Variants in KCNIP4 observed in about 807,000 individuals in gnomAD.
KCNIP4 encodes Kv channel-interacting protein 4.
In KCNIP4, 12 loss-of-function variants were observed where a neutral mutation model predicts 34.0. The observed-to-expected ratio is 0.35, with a 90% confidence interval of 0.23 to 0.57. The LOEUF is 0.57. KCNIP4 is among the 20% of genes least tolerant of loss of function. The pLI is 0.83. For synonymous variants in KCNIP4, 124 were observed against 102.2 expected (o/e 1.21, Z -1.29); for missense variants, 238 against 311.7 (o/e 0.76, Z 1.78).
chr4:21,640,716 C>T lies in KCNIP4; in HGVS notation c.61+307855G>A, dbSNP rs149230343. Among the ~76,000 whole-genome samples the T allele has an allele frequency of 2.0e-3, 300 of 152,210 alleles. 2 individuals are homozygous for T. The highest frequency in any genetic ancestry group is 6.9e-3 in the African/African-American group (285 of 41,536). ...TTTGGGAGGCAATACATTTCTTATT[C>T]TGGTTTGCTACCCCAGCCTAGTAAC... On this transcript the variant is annotated intron_variant, in intron 1 of 8. Transcript: ENST00000382152.
At chr4:21,279,476 C>T (rs938501859) in intron 1 of KCNIP4, among the ~76,000 whole-genome samples, 3 of 149,988 alleles carry the variant, frequency 2.0e-5, no homozygotes, top group African/African-American at 7.4e-5. Flanking sequence ...CCATACAGAA[C>T]TTTAAAGATT....
intron 2 of KCNIP4, among the ~76,000 whole-genome samples, chr4:20,864,031 T>TATGTATGTATACGCATGTATGTATACAC (rs1333035688): frequency 9.6e-6 from 1 of 103,880 alleles, no homozygotes; most frequent in Non-Finnish European, 2.0e-5. Context: ...TATACATACA[T>TATGTATGTATACGCATGTATGTATACAC]ATGTATGTAT....
rs1009135605 is a variant in KCNIP4, at chr4:21,247,646, T to G, written c.62-364937A>C. The stretch of plus-strand genomic sequence containing the variant: ...CTATATATTTAGATATATCTATATA[T>G]TTATATCTATATATTTAGATATATC... On this transcript the variant is annotated intron_variant, in intron 1 of 8. Coordinates refer to ENST00000382152, the MANE Select transcript of KCNIP4 (RefSeq NM_025221.6). Among the ~76,000 whole-genome samples, 5 of 130,704 alleles carry G rather than the reference T, an allele frequency of 3.8e-5. No homozygotes were observed. The South Asian group carries it at 1.1e-3, about 28-fold the overall frequency. 85.7% of individuals were successfully genotyped at this position (130,704 alleles called of 152,430 possible).
intron 1 of KCNIP4, among the ~76,000 whole-genome samples, chr4:20,903,619 T>C (rs953629610): frequency 1.3e-5 from 2 of 152,130 alleles, no homozygotes; most frequent in African/African-American, 2.4e-5. Flanking sequence ...CTTGCCTTTC[T>C]GAACCAAACG....
intron 1 of KCNIP4, among the ~76,000 whole-genome samples, chr4:21,446,382 C>A (rs1315269747): frequency 6.6e-6 from 1 of 151,802 alleles, no homozygotes; most frequent in African/African-American, 2.4e-5. Context: ...CCCAAATGTC[C>A]AAAAATGATA....
chr4:20,744,322 C>G (rs572214740), intron 5 of KCNIP4, among the ~76,000 whole-genome samples: 3 of 152,124 alleles, frequency 2.0e-5, no homozygotes, highest in Non-Finnish European at 4.4e-5. Flanking sequence ...ATGTTTATTG[C>G]GGCACTATTC....
intron 1 of KCNIP4, among the ~76,000 whole-genome samples, chr4:21,479,437 T>C (rs1479279258): frequency 6.6e-6 from 1 of 152,128 alleles, no homozygotes. Flanking sequence ...GAGATATGCA[T>C]GCTAAAGGAG....
chr4:21,139,204 C>A (rs1051032578), intron 1 of KCNIP4, among the ~76,000 whole-genome samples: 1 of 152,164 alleles, frequency 6.6e-6, no homozygotes, highest in Non-Finnish European at 1.5e-5. Flanking sequence ...GAAAGTGAGA[C>A]CTGCAGCCTG....
intron 1 of KCNIP4, among the ~76,000 whole-genome samples, chr4:21,733,323 T>C (rs1236627022): frequency 6.6e-6 from 1 of 152,186 alleles, no homozygotes; most frequent in Non-Finnish European, 1.5e-5. Context: ...CGTATATAGA[T>C]ACAGATATAC....
intron 1 of KCNIP4, among the ~76,000 whole-genome samples, chr4:21,835,742 T>G (rs1214610051): frequency 1.3e-5 from 2 of 152,098 alleles, no homozygotes; most frequent in African/African-American, 4.8e-5. Flanking sequence ...GGGCCATGCA[T>G]GAGAATGTTT....
In KCNIP4 at chr4:21,477,783, T is replaced by C. The variant is rs192065904; in HGVS notation, c.61+470788A>G. Reference sequence around the variant, plus strand: ...TAATTCTCTGCAAAAGCAAGTCCCATTGGGGACTTATTCTCCCAGCTCCAA... The same window carrying C: ...TAATTCTCTGCAAAAGCAAGTCCCACTGGGGACTTATTCTCCCAGCTCCAA... On this transcript the variant is annotated intron_variant, in intron 1 of 8. Coordinates refer to ENST00000382152, the MANE Select transcript of KCNIP4 (RefSeq NM_025221.6). Among the ~76,000 whole-genome samples, 95 of 152,300 alleles carry C rather than the reference T, an allele frequency of 6.2e-4. 1 individual carries two copies. The highest frequency in any genetic ancestry group is 1.7e-3 in the African/African-American group (70 of 41,568).
At chr4:21,924,025 G>T (rs902469422) in intron 1 of KCNIP4, among the ~76,000 whole-genome samples, 5 of 151,944 alleles carry the variant, frequency 3.3e-5, no homozygotes, top group Non-Finnish European at 5.9e-5. Flanking sequence ...CCAGTGATTG[G>T]GTTTCTACTT....
chr4:21,395,835 C>G (rs929911416), intron 1 of KCNIP4, among the ~76,000 whole-genome samples: 5 of 152,096 alleles, frequency 3.3e-5, no homozygotes, highest in Middle Eastern at 3.4e-3. Context: ...TGGATCTTGA[C>G]AAAATAATTT....
At chr4:20,816,171 T>C (rs1017879926) in intron 3 of KCNIP4, among the ~76,000 whole-genome samples, 1 of 151,688 alleles carries the variant, frequency 6.6e-6, no homozygotes, top group Non-Finnish European at 1.5e-5. Flanking sequence ...GGAGAATCAC[T>C]TGAACTTGGG....
At chr4:20,949,968 C>A (rs1393562389) in intron 1 of KCNIP4, among the ~76,000 whole-genome samples, 1 of 150,184 alleles carries the variant, frequency 6.7e-6, no homozygotes, top group Non-Finnish European at 1.5e-5. Context: ...TGTAACTAAC[C>A]TGCACATTGT....
chr4:21,249,801 G>A (rs1430039824), intron 1 of KCNIP4, among the ~76,000 whole-genome samples: 1 of 152,094 alleles, frequency 6.6e-6, no homozygotes, highest in Non-Finnish European at 1.5e-5. Context: ...TTTTGGCGAT[G>A]AATATGTGCC....
At chr4:21,150,987 T>C (rs1752711777) in intron 1 of KCNIP4, among the ~76,000 whole-genome samples, 1 of 152,198 alleles carries the variant, frequency 6.6e-6, no homozygotes, top group Non-Finnish European at 1.5e-5. Context: ...TATCACTCAG[T>C]TTTGTTTCTG....
intron 1 of KCNIP4, among the ~76,000 whole-genome samples, chr4:21,071,911 C>T (rs10805224): frequency 0.15 from 22,471 of 151,968 alleles, 1,811 homozygotes; most frequent in East Asian, 0.24. Context: ...TTTGTCCTTG[C>T]GATAGTTTGC....
intron 1 of KCNIP4, among the ~76,000 whole-genome samples, chr4:21,618,195 T>C (rs1744732826): frequency 6.6e-6 from 1 of 152,192 alleles, no homozygotes; most frequent in Admixed American, 6.5e-5. Context: ...TTGATGCTCC[T>C]AGTCTGGGTA....
Sources: allele counts gnomAD v4.1 joint callset (sites outside exome capture counted in the v4.1 genomes callset), GRCh38; gene constraint gnomAD v4.1.1; transcripts MANE v1.5; gene names NCBI Gene and HGNC (gene_info 2026-07-23, HGNC 2026-07-21).